Variants in NSMCE4A observed in about 807,000 individuals in gnomAD.
NSMCE4A encodes the protein non-structural maintenance of chromosomes element 4 homolog A.
Under a neutral mutation model 47.9 loss-of-function variants are expected in NSMCE4A, and 40 were observed. The ratio of observed to expected loss-of-function variants is 0.83; its 90% CI spans 0.65 to 1.09. The LOEUF (loss-of-function observed/expected upper bound fraction) is 1.09. NSMCE4A is among the 50% of genes least tolerant of loss of function. The pLI is 0.00. For missense variants in NSMCE4A, 500 were observed against 507.0 expected, an observed-to-expected ratio of 0.99 and a Z score of 0.13; for synonymous variants, 166 against 178.5, an observed-to-expected ratio of 0.93 and a Z score of 0.56.
chr10:121,970,899 C>T (rs372343644), intron 3 of NSMCE4A, 40 bp downstream of exon 3: 19 of 1,536,130 alleles, frequency 1.2e-5, no homozygotes, highest in African/African-American at 1.1e-4. Context: ...TAATATATAA[C>T]AGAACATTTT....
At chr10:121,966,642 A>C (rs1952611953) in intron 4 of NSMCE4A, 1 of 152,206 alleles carries the variant, frequency 6.6e-6, no homozygotes, top group East Asian at 1.9e-4. Context: ...CCGAGCTACT[A>C]TCAATCTCAA....
At chr10:121,974,312 C>A in intron 1 of NSMCE4A, 1 of 1,334,608 alleles carries the variant, frequency 7.5e-7, no homozygotes, top group African/African-American at 1.5e-5. Context: ...TAACCTTAAC[C>A]CAAAGGGCTG....
Position 121,959,364 on chromosome 10 carries a change from C to T in NSMCE4A, c.1130G>A (p.Ser377Asn). The T allele has an allele frequency of 6.2e-7, 1 of 1,614,234 alleles. No individual in the cohort carries two copies. The highest frequency in any genetic ancestry group is 8.5e-7 in the Non-Finnish European group (1 of 1,180,052). ...AGCACTTGGCTTCTGCTGCCTCTGA[C>T]TTGGAGTAATCACAGGCTCTGAAAT... Reference protein sequence around the residue: ...FEISEPVITPSQRQQKPSA With the variant: ...FEISEPVITPNQRQQKPSA The change falls in exon 10 of 11, where the codon AGT becomes AAT. Residue 377 changes from serine (S) to asparagine (N), a missense_variant. Coordinates refer to ENST00000369023, the MANE Select transcript of NSMCE4A (RefSeq NM_017615.3).
At chr10:121,965,556 G>A (rs1053870716) in intron 4 of NSMCE4A, among the ~76,000 whole-genome samples, 171 bp from the exon 5 acceptor site, 1 of 152,242 alleles carries the variant, frequency 6.6e-6, no homozygotes, top group Middle Eastern at 3.4e-3. Context: ...CAGCCTTTCT[G>A]CCTTCTTTGT....
intron 4 of NSMCE4A, chr10:121,966,338 G>C (rs1952606471): frequency 6.6e-6 from 1 of 152,200 alleles, no homozygotes; most frequent in Admixed American, 6.6e-5. Flanking sequence ...GAGGCCAAGA[G>C]AACAGCAAGT....
chr10:121,961,748 C>T (rs1952502630), intron 6 of NSMCE4A: 1 of 416,232 alleles, frequency 2.4e-6, no homozygotes, highest in Non-Finnish European at 4.2e-6. Flanking sequence ...TGTAACTGCA[C>T]AAAATTACAT....
rs10656394 is a variant in NSMCE4A at position 121,962,619 on chromosome 10, C to CTT, written c.844+617_844+618dup. The stretch of plus-strand genomic sequence containing the variant: ...GCTTGGAAAAAAAGAAAAAAACAAA[C>CTT]TTTTTTTTTTCAGATGTAGTTTCGC... On this transcript the variant is annotated intron_variant, in intron 6 of 10. Coordinates refer to ENST00000369023, the MANE Select transcript of NSMCE4A (RefSeq NM_017615.3). Among the ~76,000 whole-genome samples the CTT allele has an allele frequency of 6.9e-3, 1,026 of 148,380 alleles. 11 individuals carry two copies. Among genetic ancestry groups the CTT allele is most frequent in the African/African-American group, 0.023 (942 of 40,456 alleles).
chr10:121,964,442 G>A (rs371311099), intron 5 of NSMCE4A, among the ~76,000 whole-genome samples: 7 of 148,976 alleles, frequency 4.7e-5, no homozygotes, highest in Non-Finnish European at 1.0e-4. Flanking sequence ...CACCACACTC[G>A]GGCAACCTTT....
intron 2 of NSMCE4A, among the ~76,000 whole-genome samples, chr10:121,972,338 T>C (rs1590793145): frequency 8.8e-6 from 1 of 114,164 alleles, no homozygotes; most frequent in Non-Finnish European, 2.2e-5. Context: ...TTTTTCATAC[T>C]CTCTGTTGCC....
At position 121,959,631 on chromosome 10, in the gene NSMCE4A, G is replaced by T. The variant is rs752833057; in HGVS notation, c.989-36C>A. The T allele has an allele frequency of 1.2e-5, 17 of 1,461,914 alleles. No individual in the cohort carries two copies. In the African/African-American group the frequency reaches 1.5e-4, roughly 13 times the overall value. The allele number at this position is 1,461,914 out of a possible 1,614,324, so 90.6% of individuals were successfully genotyped here. On this transcript the variant is annotated intron_variant, in intron 8 of 10. Transcript: ENST00000369023. ...GACAAATTTTTCAAATTTATCAAAG[G>T]TTATTAAATCGGAACAGGTAATCTA...
At chr10:121,962,589 GAT>G (rs1952522092) in intron 6 of NSMCE4A, among the ~76,000 whole-genome samples, 2 of 145,092 alleles carry the variant, frequency 1.4e-5, no homozygotes, top group East Asian at 4.1e-4. Context: ...TGCATATTAT[GAT>G]TAGCTTGGAA....
chr10:121,967,406 C>T, intron 4 of NSMCE4A: 1 of 433,032 alleles, frequency 2.3e-6, no homozygotes, highest in Non-Finnish European at 4.1e-6. Context: ...CCATGTTGCC[C>T]AGGCTGATCT....
In NSMCE4A at chr10:121,974,970, C is replaced by T. The variant is rs901325776; in HGVS notation, c.196G>A (p.Glu66Lys). 3 of 1,527,774 alleles carry T rather than the reference C, an allele frequency of 2.0e-6. No homozygotes were observed. The highest frequency in any genetic ancestry group is 2.6e-6 in the Non-Finnish European group (3 of 1,139,870). 94.6% of individuals were successfully genotyped at this position (1,527,774 alleles called of 1,614,324 possible). ...EDTEPSDSGDEMMDPASLEAE... is the reference protein window; with the variant it reads ...EDTEPSDSGDKMMDPASLEAE... ...TCCAAGCTGGCCGGGTCCATCATCT[C>T]GTCCCCGGAATCCGACGGCTCTGTG... Residue 66 changes from glutamate to lysine, a missense_variant, in exon 1 of 11, where the codon GAG (glutamate) becomes AAG (lysine). Coordinates refer to ENST00000369023, the MANE Select transcript of NSMCE4A (RefSeq NM_017615.3).
chr10:121,961,676 A>T, intron 6 of NSMCE4A, 159 bp from the exon 7 acceptor site: 1 of 510,960 alleles, frequency 2.0e-6, no homozygotes, highest in Non-Finnish European at 3.4e-6. Flanking sequence ...ATCTCTACTA[A>T]AAACATGTAT....
chr10:121,974,844 G>A, intron 1 of NSMCE4A, 30 bp downstream of exon 1: 3 of 1,431,914 alleles, frequency 2.1e-6, no homozygotes, highest in Non-Finnish European at 2.7e-6. Context: ...GGCCCGTCCG[G>A]GCCCGCGCCG....
At position 121,974,943 on chromosome 10, in the gene NSMCE4A, C is replaced by A; in HGVS notation, c.223G>T (p.Ala75Ser). The A allele has an allele frequency of 1.3e-6, 2 of 1,534,116 alleles. No individual in the cohort carries two copies. The highest frequency in any genetic ancestry group is 8.8e-7 in the Non-Finnish European group (1 of 1,142,828). Residue 75 changes from alanine (A) to serine (S), a missense_variant, in exon 1 of 11, where the codon GCG (alanine) becomes TCG (serine). Transcript: ENST00000369023. ...CGGCACAGGCCTTGGTCGGCCTCCG[C>A]CTCCAAGCTGGCCGGGTCCATCATC... ...DEMMDPASLE[A>S]EADQGLCRQI...
At chr10:121,957,371 G>C (rs1479405177) in intron 10 of NSMCE4A, 112 bp from the exon 11 acceptor site, 1 of 151,554 alleles carries the variant, frequency 6.6e-6, no homozygotes. Context: ...GTAGGGCCCA[G>C]GTTAATCCAC....
rs7069963 is a variant in NSMCE4A, at chr10:121,961,766, T to G, written c.845-249A>C. The G allele has an allele frequency of 3.0e-3, 1,155 of 382,522 alleles. 13 individuals are homozygous for G. Among genetic ancestry groups the G allele is most frequent in the African/African-American group, 0.022 (1,056 of 47,426 alleles). 23.7% of individuals were successfully genotyped at this position (382,522 alleles called of 1,614,324 possible). On this transcript the variant is annotated intron_variant, in intron 6 of 10. Transcript: ENST00000369023. ...AACTGCACAAAATTACATACTAAGA[T>G]TTTTTACTTCAGCAATTTATACAAG...
At chr10:121,965,432 T>G in intron 4 of NSMCE4A, 47 bp from the exon 5 acceptor site, 1 of 1,443,868 alleles carries the variant, frequency 6.9e-7, no homozygotes, top group Non-Finnish European at 9.7e-7. Flanking sequence ...TGTTGTTTGT[T>G]AAACAAACTA....
Sources: allele counts gnomAD v4.1 joint callset (sites outside exome capture counted in the v4.1 genomes callset), GRCh38; gene constraint gnomAD v4.1.1; transcripts MANE v1.5; gene names NCBI Gene and HGNC (gene_info 2026-07-23, HGNC 2026-07-21).